Variants in STK24 observed in about 807,000 individuals in gnomAD.
STK24 encodes the protein serine/threonine-protein kinase 24.
Under a neutral mutation model 55.6 loss-of-function variants are expected in STK24, and 21 were observed. The ratio of observed to expected loss-of-function variants is 0.38; its 90% CI spans 0.27 to 0.54. STK24 has a LOEUF of 0.54. STK24 is among the 20% of genes least tolerant of loss of function. STK24 has a pLI of 0.79. For missense variants in STK24, 383 were observed against 538.4 expected (o/e 0.71, Z 2.86); for synonymous variants, 200 against 215.2 (o/e 0.93, Z 0.62).
At position 98,447,106 on chromosome 13, in the gene STK24, A is replaced by C; in HGVS notation, c.*6067T>G. The C allele has an allele frequency of 2.8e-6, 1 of 355,160 alleles. No homozygotes were observed. The highest frequency in any genetic ancestry group is 5.3e-6 in the Non-Finnish European group (1 of 190,336). 22.0% of individuals were successfully genotyped at this position (355,160 alleles called of 1,614,324 possible). A position where few individuals can be genotyped will look rare whatever the true frequency, so the allele number is the denominator to read the frequency against. On this transcript the variant is annotated 3_prime_UTR_variant, in exon 11 of 11. Coordinates refer to ENST00000539966, the MANE Select transcript of STK24 (RefSeq NM_001032296.4). ...GTCCGGGATGATGAAGCTAAGCCCC[A>C]GTGAGACTGCCTACATGGTGTAATG...
At chr13:98,480,014 C>G (rs1464488384) in intron 3 of STK24, among the ~76,000 whole-genome samples, 1 of 152,188 alleles carries the variant, frequency 6.6e-6, no homozygotes, top group Non-Finnish European at 1.5e-5. Context: ...GGTCTCCTAG[C>G]TGAGACCCCT....
intron 2 of STK24, among the ~76,000 whole-genome samples, chr13:98,500,015 C>T (rs1895391373): frequency 6.6e-6 from 1 of 152,190 alleles, no homozygotes; most frequent in African/African-American, 2.4e-5. Context: ...GATGTGCGTG[C>T]TAGTGTTACT....
intron 1 of STK24, among the ~76,000 whole-genome samples, chr13:98,570,729 T>C (rs562653123): frequency 1.3e-5 from 2 of 152,298 alleles, no homozygotes; most frequent in South Asian, 4.1e-4. Context: ...ATTTAAACCT[T>C]GCAAACCAGG....
Position 98,463,744 on chromosome 13 carries a change from C to G in STK24, c.876G>C (p.Lys292Asn). Residue 292 changes from lysine (K) to asparagine (N), a missense_variant, in exon 7 of 11, where the codon AAG becomes AAC. Physicochemically the swap from Lys to Asn is moderately conservative, Grantham distance 94. Transcript: ENST00000539966. ...CATGGCTCTGCTCGGCCTTCCATCT[C>G]TTGTACCTGTCGATGAGCTCGGTCA... ...SYLTELIDRY[K>N]RWKAEQSHDD... 1 of 1,614,224 alleles carries G rather than the reference C, an allele frequency of 6.2e-7. No homozygotes were observed. The highest frequency in any genetic ancestry group is 8.5e-7 in the Non-Finnish European group (1 of 1,180,040).
chr13:98,469,737 C>T (rs1288743022), intron 5 of STK24, among the ~76,000 whole-genome samples: 2 of 152,102 alleles, frequency 1.3e-5, no homozygotes, highest in Admixed American at 6.5e-5. Context: ...CTAAAGGGAT[C>T]TCTTCTCCCC....
rs751399808 is a variant in STK24 at position 98,452,985 on chromosome 13, T to C, written c.*188A>G. The C allele has an allele frequency of 8.4e-5, 45 of 536,288 alleles. No individual in the cohort carries two copies. The highest frequency in any genetic ancestry group is 1.4e-4 in the Non-Finnish European group (43 of 307,182). The allele number at this position is 536,288 out of a possible 1,614,324, so 33.2% of individuals were successfully genotyped here. On this transcript the variant is annotated 3_prime_UTR_variant, in exon 11 of 11. Coordinates refer to ENST00000539966, the MANE Select transcript of STK24 (RefSeq NM_001032296.4). ...AAGGAGCTGACCCTCCCCACCCATC[T>C]GAGAGACTTCATCTGGCTGCAGCAC...
At chr13:98,535,616 G>T (rs950040012) in intron 1 of STK24, among the ~76,000 whole-genome samples, 2 of 152,160 alleles carry the variant, frequency 1.3e-5, no homozygotes, top group African/African-American at 4.8e-5. Flanking sequence ...GTGCTGGGCA[G>T]CGTTCACAAA....
chr13:98,494,428 A>AAAAAAAAAAAAAAAAT (rs58955737), intron 2 of STK24, among the ~76,000 whole-genome samples: 1 of 148,884 alleles, frequency 6.7e-6, no homozygotes, highest in African/African-American at 2.5e-5. Context: ...AAAAAAAAAA[A>AAAAAAAAAAAAAAAAT]GTGCCTCTAA....
rs1398172987 is a variant in STK24 at position 98,522,012 on chromosome 13, ACT to A, written c.43-2541_43-2540del. 7.1e-6 allele frequency: 10 copies of A among 1,413,060 alleles called. No homozygotes were observed. The East Asian group carries it at 2.6e-4, about 37-fold the overall frequency. The allele number at this position is 1,413,060 out of a possible 1,614,324, so 87.5% of individuals were successfully genotyped here. Reference sequence around the variant, plus strand: ...CCCTAACCCAAAGCCCTCCTCCTCCACTCTCTCCTTCCTCTGGAGTCCCTTCA... The same window carrying A: ...CCCTAACCCAAAGCCCTCCTCCTCCACTCTCCTTCCTCTGGAGTCCCTTCA... On this transcript the variant is annotated intron_variant, in intron 1 of 10. Transcript: ENST00000539966.
chr13:98,504,287 A>T (rs1895601860), intron 2 of STK24, among the ~76,000 whole-genome samples: 1 of 152,196 alleles, frequency 6.6e-6, no homozygotes, highest in Non-Finnish European at 1.5e-5. Context: ...ACAGAGCAGG[A>T]GAAAGTAGAG....
intron 1 of STK24, chr13:98,521,639 C>A: frequency 3.2e-6 from 2 of 616,068 alleles, no homozygotes; most frequent in South Asian, 3.8e-5. Flanking sequence ...GCACCTCCAC[C>A]TCCTCTAACA....
chr13:98,507,795 G>C (rs1029523008), intron 2 of STK24, among the ~76,000 whole-genome samples: 1 of 152,170 alleles, frequency 6.6e-6, no homozygotes, highest in African/African-American at 2.4e-5. Context: ...GAAGGCGGGA[G>C]ACAAACAGAA....
intron 1 of STK24, among the ~76,000 whole-genome samples, chr13:98,527,201 C>A (rs1419157947): frequency 2.6e-5 from 4 of 152,138 alleles, no homozygotes; most frequent in Non-Finnish European, 5.9e-5. Context: ...CAGAGCTGGG[C>A]GTGGTGGCTC....
intron 1 of STK24, among the ~76,000 whole-genome samples, chr13:98,549,307 G>T (rs1897105757): frequency 6.6e-6 from 1 of 152,188 alleles, no homozygotes; most frequent in African/African-American, 2.4e-5. Flanking sequence ...GATTCGGTGT[G>T]TACTGAGTGC....
intron 2 of STK24, among the ~76,000 whole-genome samples, chr13:98,497,639 C>T (rs920193133): frequency 3.3e-5 from 5 of 152,208 alleles, no homozygotes; most frequent in African/African-American, 1.2e-4. Context: ...TGGCAAAGCT[C>T]AGGAGGGCAG....
In STK24 at chr13:98,446,283, G is replaced by A; in HGVS notation, c.*6890C>T. The stretch of plus-strand genomic sequence containing the variant: ...GAGGTGAGGGGGCCGCCCTCCTCTG[G>A]AATGACTCAGGCCTCTTGGGCTCCA... On this transcript the variant is annotated 3_prime_UTR_variant, in exon 11 of 11. Transcript: ENST00000539966. The A allele has an allele frequency of 1.1e-6, 1 of 913,460 alleles. No individual in the cohort carries two copies. 56.6% of individuals were successfully genotyped at this position (913,460 alleles called of 1,614,324 possible).
At chr13:98,563,903 T>C (rs1215615398) in intron 1 of STK24, among the ~76,000 whole-genome samples, 1 of 150,412 alleles carries the variant, frequency 6.6e-6, no homozygotes, top group African/African-American at 2.4e-5. Flanking sequence ...TAATGAATTG[T>C]AACAAGCCTC....
At chr13:98,531,835 G>A (rs1003730384) in intron 1 of STK24, among the ~76,000 whole-genome samples, 2 of 152,154 alleles carry the variant, frequency 1.3e-5, no homozygotes, top group Admixed American at 6.5e-5. Context: ...TCTGTTAGAG[G>A]TGAGCTGGAA....
chr13:98,456,736 A>AAC (rs1893475873), intron 10 of STK24: 1 of 358,278 alleles, frequency 2.8e-6, no homozygotes, highest in Middle Eastern at 6.4e-4. Context: ...TAACACAGGG[A>AAC]ACACACCTGC....
Sources: allele counts gnomAD v4.1 joint callset (sites outside exome capture counted in the v4.1 genomes callset), GRCh38; gene constraint gnomAD v4.1.1; transcripts MANE v1.5; gene names NCBI Gene and HGNC (gene_info 2026-07-23, HGNC 2026-07-21).